ZSWIM6: variants seen among roughly 807,000 people sequenced by gnomAD.
ZSWIM6 encodes the protein zinc finger SWIM-type containing 6, also known as zinc finger SWIM domain-containing protein 6.
Under a neutral mutation model 113.2 loss-of-function variants are expected in ZSWIM6, and 9 were observed. The ratio of observed to expected loss-of-function variants is 0.08; its 90% CI spans 0.05 to 0.14. The LOEUF is 0.14. Ranked by LOEUF, ZSWIM6 falls within the 10% of genes least tolerant of loss-of-function variation. ZSWIM6 has a pLI of 1.00. For missense variants in ZSWIM6, 1,162 were observed against 1,552.2 expected (o/e 0.75, Z 4.22); for synonymous variants, 611 against 606.5 (o/e 1.01, Z -0.11).
At chr5:61,492,575 A>G (rs946436125) in intron 3 of ZSWIM6, among the ~76,000 whole-genome samples, 2 of 152,142 alleles carry the variant, frequency 1.3e-5, no homozygotes. Context: ...GTAAGTATCA[A>G]TGTAAAACTC....
intron 1 of ZSWIM6, among the ~76,000 whole-genome samples, chr5:61,371,535 G>T (rs1265645189): frequency 6.6e-6 from 1 of 152,148 alleles, no homozygotes; most frequent in Non-Finnish European, 1.5e-5. Flanking sequence ...TAGGTTTTGG[G>T]TATTGTAAGA....
intron 1 of ZSWIM6, chr5:61,391,487 C>A (rs558694166): frequency 1.1e-5 from 15 of 1,317,516 alleles, no homozygotes; most frequent in East Asian, 2.3e-5. Flanking sequence ...TTGGTAAAGG[C>A]CTTCTTCTTA....
intron 1 of ZSWIM6, among the ~76,000 whole-genome samples, chr5:61,380,831 T>C (rs1226976237): frequency 6.6e-6 from 1 of 151,944 alleles, no homozygotes; most frequent in African/African-American, 2.4e-5. Context: ...CCGGGCGAGG[T>C]GGCTCACGCC....
chr5:61,495,315 C>T (rs1206359242), intron 4 of ZSWIM6, among the ~76,000 whole-genome samples: 2 of 152,010 alleles, frequency 1.3e-5, no homozygotes, highest in African/African-American at 2.4e-5. Context: ...TGAGATTAGC[C>T]GTTTTACAAA....
At chr5:61,445,464 A>C (rs1245462950) in intron 1 of ZSWIM6, among the ~76,000 whole-genome samples, 1 of 152,196 alleles carries the variant, frequency 6.6e-6, no homozygotes, top group Non-Finnish European at 1.5e-5. Context: ...TTTTGTTATA[A>C]AGTGTACACC....
At chr5:61,451,166 G>A (rs936785031) in intron 1 of ZSWIM6, among the ~76,000 whole-genome samples, 3 of 152,132 alleles carry the variant, frequency 2.0e-5, no homozygotes, top group Non-Finnish European at 4.4e-5. Context: ...CTGTTCAGCT[G>A]GGGGAACTTG....
intron 1 of ZSWIM6, among the ~76,000 whole-genome samples, chr5:61,451,003 C>T (rs1007880631): frequency 6.6e-6 from 1 of 152,178 alleles, no homozygotes; most frequent in South Asian, 2.1e-4. Flanking sequence ...GTTTGAAGCT[C>T]CTTTTACCTT....
At chr5:61,390,832 A>G in intron 1 of ZSWIM6, 1 of 810,062 alleles carries the variant, frequency 1.2e-6, no homozygotes, top group Non-Finnish European at 2.2e-6. Context: ...ACTGGCAAGG[A>G]CTTGTGAAGG....
intron 1 of ZSWIM6, among the ~76,000 whole-genome samples, chr5:61,341,359 A>G (rs749915599): frequency 1.3e-5 from 2 of 152,198 alleles, no homozygotes; most frequent in Non-Finnish European, 2.9e-5. Flanking sequence ...GTTTTTATTA[A>G]TCGTCGTAAA....
chr5:61,456,471 A>G (rs1436439796), intron 1 of ZSWIM6, among the ~76,000 whole-genome samples: 1 of 152,206 alleles, frequency 6.6e-6, no homozygotes, highest in Non-Finnish European at 1.5e-5. Context: ...AAAAGAAAAC[A>G]AAAACCTTAT....
In ZSWIM6 at chr5:61,442,753, C is replaced by A. The variant is rs187549219; in HGVS notation, c.677-29928C>A. 3.9e-5 allele frequency among the ~76,000 whole-genome samples: 6 copies of A among 152,308 alleles called. No individual in the cohort carries two copies. The East Asian group carries it at 1.2e-3, about 29-fold the overall frequency. On this transcript the variant is annotated intron_variant, in intron 1 of 13. Coordinates refer to ENST00000252744, the MANE Select transcript of ZSWIM6 (RefSeq NM_020928.2). ...CAGTTTCTCATTGAACTTATGCAAA[C>A]AACCACATTACAGTGAATTAAGAAT...
intron 2 of ZSWIM6, among the ~76,000 whole-genome samples, chr5:61,486,526 T>C (rs928184891): frequency 5.3e-5 from 8 of 152,172 alleles, no homozygotes; most frequent in Admixed American, 3.9e-4. Flanking sequence ...CATACTGTTT[T>C]CCATAGATGT....
chr5:61,359,667 A>C (rs1744990338), intron 1 of ZSWIM6, among the ~76,000 whole-genome samples: 2 of 152,112 alleles, frequency 1.3e-5, no homozygotes, highest in Admixed American at 6.5e-5. Flanking sequence ...GAGACAAGGA[A>C]CTCAATTTTG....
At chr5:61,519,197 A>C (rs1561275404) in intron 4 of ZSWIM6, among the ~76,000 whole-genome samples, 3 of 152,170 alleles carry the variant, frequency 2.0e-5, no homozygotes, top group Non-Finnish European at 4.4e-5. Context: ...AATGTCAGTT[A>C]GTTTTCAAAA....
chr5:61,490,207 A>T lies in ZSWIM6; in HGVS notation c.1034-579A>T, dbSNP rs146462469. Among the ~76,000 whole-genome samples the T allele has an allele frequency of 3.2e-4, 48 of 152,180 alleles. No individual in the cohort carries two copies. In the East Asian group the frequency reaches 8.5e-3, roughly 27 times the overall value. ...TACTTCAGCAATAAAATATTTATGC[A>T]GTTTGGCAAGGTGATACTACAACCT... On this transcript the variant is annotated intron_variant, in intron 2 of 13. Coordinates refer to ENST00000252744, the MANE Select transcript of ZSWIM6 (RefSeq NM_020928.2).
At chr5:61,337,869 G>T (rs928433400) in intron 1 of ZSWIM6, among the ~76,000 whole-genome samples, 1 of 152,164 alleles carries the variant, frequency 6.6e-6, no homozygotes, top group Admixed American at 6.5e-5. Context: ...TTATGGTTGG[G>T]TTTTTCTTAA....
intron 2 of ZSWIM6, among the ~76,000 whole-genome samples, chr5:61,475,521 C>T (rs1434277082): frequency 6.6e-6 from 1 of 152,106 alleles, no homozygotes; most frequent in Non-Finnish European, 1.5e-5. Context: ...ATATGATTTC[C>T]TAATAACTTG....
chr5:61,485,447 C>A lies in ZSWIM6; in HGVS notation c.1034-5339C>A, dbSNP rs184761471. Reference sequence around the variant, plus strand: ...CACTGTCTCAAGGGTATGTCAAATTCACCATATCTAAAACTAAGCTCATGA... The same window carrying A: ...CACTGTCTCAAGGGTATGTCAAATTAACCATATCTAAAACTAAGCTCATGA... On this transcript the variant is annotated intron_variant, in intron 2 of 13. Transcript: ENST00000252744. Among the ~76,000 whole-genome samples the A allele has an allele frequency of 4.4e-4, 67 of 152,306 alleles. 1 individual carries two copies. The highest frequency in any genetic ancestry group is 4.3e-3 in the Admixed American group (65 of 15,294).
intron 1 of ZSWIM6, among the ~76,000 whole-genome samples, chr5:61,413,140 T>A (rs1329614199): frequency 1.3e-5 from 2 of 151,082 alleles, no homozygotes; most frequent in African/African-American, 4.9e-5. Flanking sequence ...TCATTTAGCA[T>A]TAGGTATATC....
Sources: allele counts gnomAD v4.1 joint callset (sites outside exome capture counted in the v4.1 genomes callset), GRCh38; gene constraint gnomAD v4.1.1; transcripts MANE v1.5; gene names NCBI Gene and HGNC (gene_info 2026-07-23, HGNC 2026-07-21).